The following SLC7A14 variants were observed in gnomAD, a reference collection of about 807,000 sequenced individuals.
The protein encoded by SLC7A14 is gamma-aminobutyric acid transporter SLC7A14.
SLC7A14 carries 37 observed loss-of-function variants against 60.2 expected under a neutral mutation model. That is an observed-to-expected ratio of 0.61 (90% CI 0.47 to 0.81). SLC7A14 has a LOEUF of 0.81. SLC7A14 is among the 30% of genes least tolerant of loss of function. SLC7A14 has a pLI of 0.00. For missense variants in SLC7A14, 886 were observed against 982.7 expected, an observed-to-expected ratio of 0.90 and a Z score of 1.32; for synonymous variants, 399 against 395.8, an observed-to-expected ratio of 1.01 and a Z score of -0.10.
At chr3:170,582,974 G>A (rs1335828558) in intron 1 of SLC7A14, among the ~76,000 whole-genome samples, 1 of 152,148 alleles carries the variant, frequency 6.6e-6, no homozygotes, top group Non-Finnish European at 1.5e-5. Flanking sequence ...ACAGAATTGT[G>A]ATAATTCAGT....
chr3:170,542,470 T>C (rs908426862), intron 1 of SLC7A14, among the ~76,000 whole-genome samples: 4 of 152,204 alleles, frequency 2.6e-5, no homozygotes, highest in African/African-American at 9.6e-5. Context: ...TTGTCAACCA[T>C]TGGCCTTCCC....
Position 170,486,272 on chromosome 3 carries a change from G to A in SLC7A14, c.856C>T (p.Pro286Ser), listed in dbSNP as rs1269915150. Residue 286 changes from proline (P) to serine (S), a missense_variant, in exon 5 of 8, where the codon CCT becomes TCT. Physicochemically the swap from Pro to Ser is moderately conservative, Grantham distance 74 (BLOSUM62 -1). Coordinates refer to ENST00000231706, the MANE Select transcript of SLC7A14 (RefSeq NM_020949.3). ...ACCAGGGAGGCAGTGATAGCATAAG[G>A]GATGGACGTGTTGGGATTCTTGGCT... ...EEAKNPNTSI[P>S]YAITASLVIC... is the part of the protein sequence containing the mutation. The A allele has an allele frequency of 1.2e-6, 2 of 1,614,212 alleles. No individual in the cohort carries two copies. The highest frequency in any genetic ancestry group is 1.7e-5 in the Admixed American group (1 of 60,026).
chr3:170,569,299 A>G (rs1394951144), intron 1 of SLC7A14, among the ~76,000 whole-genome samples: 1 of 152,026 alleles, frequency 6.6e-6, no homozygotes, highest in Non-Finnish European at 1.5e-5. Flanking sequence ...TTCTGTTTAT[A>G]TGCTGGATTA....
rs546380991 is a variant in SLC7A14 at position 170,550,731 on chromosome 3, A to C, written c.-152-23643T>G. Among the ~76,000 whole-genome samples, 5 of 151,842 alleles carry C rather than the reference A, an allele frequency of 3.3e-5. No individual in the cohort carries two copies. In the South Asian group the frequency reaches 1.0e-3, roughly 32 times the overall value. ...GAGACGGGGTTTCACCATGTTGGCCAGGCTGGTCTCGAACTCCTGACCTCA... is the reference window on the plus strand; with the variant it reads ...GAGACGGGGTTTCACCATGTTGGCCCGGCTGGTCTCGAACTCCTGACCTCA... On this transcript the variant is annotated intron_variant, in intron 1 of 7. Coordinates refer to ENST00000231706, the MANE Select transcript of SLC7A14 (RefSeq NM_020949.3).
intron 1 of SLC7A14, among the ~76,000 whole-genome samples, chr3:170,548,623 C>T (rs755132379): frequency 5.9e-5 from 9 of 152,226 alleles, no homozygotes; most frequent in Non-Finnish European, 1.0e-4. Context: ...AATAAAAGCA[C>T]AGATGCAGCT....
chr3:170,491,534 G>A (rs529587458), intron 4 of SLC7A14, among the ~76,000 whole-genome samples: 7 of 152,252 alleles, frequency 4.6e-5, no homozygotes, highest in African/African-American at 1.7e-4. Flanking sequence ...ATTTAGGCAG[G>A]GTTAAGGGAG....
chr3:170,562,346 C>T (rs1191405737), intron 1 of SLC7A14, among the ~76,000 whole-genome samples: 1 of 152,158 alleles, frequency 6.6e-6, no homozygotes, highest in Non-Finnish European at 1.5e-5. Context: ...TTGCAGCAAC[C>T]TGGATGGGAT....
chr3:170,579,538 C>T (rs115815240), intron 1 of SLC7A14, among the ~76,000 whole-genome samples: 2,771 of 152,278 alleles, frequency 0.018, 86 homozygotes, highest in African/African-American at 0.063. Flanking sequence ...TAATTCTAGG[C>T]GTTTCCTTAT....
chr3:170,567,523 C>CAGT (rs1714828602), intron 1 of SLC7A14, among the ~76,000 whole-genome samples: 1 of 151,820 alleles, frequency 6.6e-6, no homozygotes, highest in Admixed American at 6.6e-5. Context: ...GGTATATACC[C>CAGT]AGTAATGGGA....
chr3:170,499,352 C>CAGTATCT (rs1366142891), intron 3 of SLC7A14, among the ~76,000 whole-genome samples: 1 of 148,098 alleles, frequency 6.8e-6, no homozygotes, highest in Non-Finnish European at 1.5e-5. Flanking sequence ...AAGCAGATAC[C>CAGTATCT]AGTATCTATT....
Position 170,555,519 on chromosome 3 carries a change from A to G in SLC7A14, c.-152-28431T>C, listed in dbSNP as rs74905446. 2.3e-3 allele frequency among the ~76,000 whole-genome samples: 354 copies of G among 152,326 alleles called. 2 individuals carry two copies. Among genetic ancestry groups the G allele is most frequent in the Middle Eastern group, 0.014 (4 of 294 alleles). On this transcript the variant is annotated intron_variant, in intron 1 of 7. Transcript: ENST00000231706. Reference sequence around the variant, plus strand: ...CATAATGATGGGGCTATGCTTGAGAAGGACTTCCCTAGGCAATTTCATCAC... The same window carrying G: ...CATAATGATGGGGCTATGCTTGAGAGGGACTTCCCTAGGCAATTTCATCAC...
At chr3:170,479,197 T>C (rs1051363127) in intron 7 of SLC7A14, among the ~76,000 whole-genome samples, 2 of 152,072 alleles carry the variant, frequency 1.3e-5, no homozygotes, top group African/African-American at 4.8e-5. Context: ...TTGGCCTCTC[T>C]TGGGCTAAGT....
At chr3:170,584,736 A>C (rs543534693) in intron 1 of SLC7A14, among the ~76,000 whole-genome samples, 1 of 152,286 alleles carries the variant, frequency 6.6e-6, no homozygotes, top group Admixed American at 6.5e-5. Flanking sequence ...CATTCCCTGC[A>C]CTCAGTCGGA....
chr3:170,504,188 A>G (rs1242122343), intron 2 of SLC7A14, among the ~76,000 whole-genome samples: 5 of 152,232 alleles, frequency 3.3e-5, no homozygotes, highest in African/African-American at 7.2e-5. Flanking sequence ...ACAGCCTCAA[A>G]TATCCTGAGA....
chr3:170,539,439 T>G (rs1026047675), intron 1 of SLC7A14, among the ~76,000 whole-genome samples: 1 of 152,236 alleles, frequency 6.6e-6, no homozygotes, highest in African/African-American at 2.4e-5. Context: ...TGTCTGTGCA[T>G]CTATCTATGT....
chr3:170,516,285 C>A (rs574073923), intron 2 of SLC7A14, among the ~76,000 whole-genome samples: 1 of 152,206 alleles, frequency 6.6e-6, no homozygotes, highest in African/African-American at 2.4e-5. Flanking sequence ...GCTGAGCTTA[C>A]AAGTCATCTT....
chr3:170,498,965 C>T (rs763937452), intron 3 of SLC7A14, 81 bp from the exon 4 acceptor site: 164 of 1,360,708 alleles, frequency 1.2e-4, no homozygotes, highest in South Asian at 1.5e-4. Flanking sequence ...CCACTGCATC[C>T]GTACTCAGCT....
intron 1 of SLC7A14, among the ~76,000 whole-genome samples, chr3:170,550,151 GATGGGGC>G (rs780834184): frequency 7.9e-4 from 121 of 152,336 alleles, no homozygotes; most frequent in Non-Finnish European, 6.5e-4. Flanking sequence ...TTATAAATGT[GATGGGGC>G]ATTCTGCCCA....
chr3:170,569,753 C>T (rs564385861), intron 1 of SLC7A14, among the ~76,000 whole-genome samples: 4 of 152,116 alleles, frequency 2.6e-5, no homozygotes, highest in East Asian at 3.9e-4. Flanking sequence ...GTGTATGTGT[C>T]CAGGAATTTA....
Sources: allele counts gnomAD v4.1 joint callset (sites outside exome capture counted in the v4.1 genomes callset), GRCh38; gene constraint gnomAD v4.1.1; transcripts MANE v1.5; gene names NCBI Gene and HGNC (gene_info 2026-07-23, HGNC 2026-07-21).